The following FGF17 variants were observed in gnomAD, a reference collection of about 807,000 sequenced individuals.
FGF17 encodes fibroblast growth factor 17.
Under a neutral mutation model 23.5 loss-of-function variants are expected in FGF17, and 5 were observed. The observed-to-expected ratio is 0.21, with a 90% CI of 0.11 to 0.45. The LOEUF (loss-of-function observed/expected upper bound fraction) is 0.45. Ranked by LOEUF, FGF17 falls within the 20% of genes least tolerant of loss-of-function variation. The probability of loss-of-function intolerance (pLI) is 0.99; values close to 1 mark genes in which losing one functional copy is unlikely to be tolerated. For synonymous variants in FGF17, 136 were observed against 123.0 expected, an observed-to-expected ratio of 1.11 and a Z score of -0.70; for missense variants, 221 against 306.9, an observed-to-expected ratio of 0.72 and a Z score of 2.09.
chr8:22,041,024 C>G (rs568576509), upstream of FGF17, among the ~76,000 whole-genome samples: 1 of 152,230 alleles, frequency 6.6e-6, no homozygotes, highest in East Asian at 1.9e-4. Flanking sequence ...CACCAGCTAG[C>G]TGTGAGGCTT....
upstream of FGF17, chr8:22,042,301 G>A (rs3176262): frequency 0.064 from 9,982 of 156,678 alleles, 1,059 homozygotes; most frequent in African/African-American, 0.23. Flanking sequence ...CCTCCTTCCC[G>A]GGCAATCAGC....
chr8:22,040,891 G>A (rs1800726780), upstream of FGF17, among the ~76,000 whole-genome samples: 1 of 152,192 alleles, frequency 6.6e-6, no homozygotes, highest in African/African-American at 2.4e-5. Flanking sequence ...TGCCAGAAGA[G>A]GCAGAGTGTA....
chr8:22,046,766 C>T (rs1008217276), intron 4 of FGF17, 133 bp downstream of exon 4: 2 of 653,628 alleles, frequency 3.1e-6, no homozygotes, highest in African/African-American at 3.7e-5. Flanking sequence ...ACTCTCAGCC[C>T]ACCCACTGGG....
upstream of FGF17, chr8:22,042,666 CG>C: frequency 1.7e-6 from 1 of 598,454 alleles, no homozygotes; most frequent in Non-Finnish European, 3.0e-6. Flanking sequence ...ACAGCGCGCA[CG>C]CCCCCACCCG....
intron 2 of FGF17, among the ~76,000 whole-genome samples, chr8:22,044,290 C>A (rs1400020477): frequency 6.6e-6 from 1 of 152,090 alleles, no homozygotes; most frequent in South Asian, 2.1e-4. Flanking sequence ...GGAGGGGGGG[C>A]CAGCAGGCCG....
intron 4 of FGF17, among the ~76,000 whole-genome samples, chr8:22,047,701 A>G (rs1187243754): frequency 6.6e-6 from 1 of 152,162 alleles, no homozygotes; most frequent in Non-Finnish European, 1.5e-5. Flanking sequence ...CTTCACCTAC[A>G]TCTCAGGAAG....
Position 22,043,286 on chromosome 8 carries a change from C to T in FGF17, c.72+105C>T, listed in dbSNP as rs946564822. The stretch of plus-strand genomic sequence containing the variant: ...TCAGGTGGACAGAGGCAGAGTCTGG[C>T]CTCTCCCTGGGTCCAGGAGGCACTG... On this transcript the variant is annotated intron_variant, in intron 2 of 4. Coordinates refer to ENST00000359441, the MANE Select transcript of FGF17 (RefSeq NM_003867.4). 5 of 1,171,800 alleles carry T rather than the reference C, an allele frequency of 4.3e-6. No individual in the cohort carries two copies. In the African/African-American group the frequency reaches 6.0e-5, roughly 14 times the overall value. The allele number at this position is 1,171,800 out of a possible 1,614,324, so 72.6% of individuals were successfully genotyped here.
At chr8:22,043,581 C>T (rs899139303) in intron 2 of FGF17, among the ~76,000 whole-genome samples, 1 of 152,156 alleles carries the variant, frequency 6.6e-6, no homozygotes, top group Non-Finnish European at 1.5e-5. Flanking sequence ...TTCTCGCCAC[C>T]CCACTCCCAT....
At chr8:22,044,386 A>C (rs1053336713) in intron 2 of FGF17, among the ~76,000 whole-genome samples, 3 of 150,988 alleles carry the variant, frequency 2.0e-5, no homozygotes, top group African/African-American at 7.3e-5. Context: ...GGAACATGAA[A>C]GGGACAGGCT....
Position 22,046,615 on chromosome 8 carries a change from G to A in FGF17, c.339G>A (p.Arg113=), listed in dbSNP as rs3176295. The change falls in exon 4 of 5, where the codon AGG becomes AGA. Residue 113 remains arginine (R), a synonymous_variant. Transcript: ENST00000359441. The stretch of plus-strand genomic sequence containing the variant: ...AGAAGTACATCTGTATGAACAAGAG[G>A]GGCAAGCTCATCGGGAAGGTGAGGC... The part of the protein sequence containing the change: ...ESEKYICMNK[R]GKLIGKPSGK... 48,648 of 1,612,884 alleles carry A rather than the reference G, an allele frequency of 0.03. 840 individuals are homozygous for A. Among genetic ancestry groups the A allele is most frequent in the Non-Finnish European group, 0.036 (42,105 of 1,179,030 alleles).
At chr8:22,046,994 C>G (rs954062919) in intron 4 of FGF17, among the ~76,000 whole-genome samples, 5 of 133,516 alleles carry the variant, frequency 3.7e-5, no homozygotes, top group African/African-American at 1.4e-4. Flanking sequence ...ACTATGTTGC[C>G]CTGGCTGGTC....
chr8:22,048,519 A>C lies in FGF17; in HGVS notation c.*270A>C. On this transcript the variant is annotated 3_prime_UTR_variant, in exon 5 of 5. Transcript: ENST00000359441. This position sits in a 1 kb window ranked among gnomAD's most constrained non-coding sequence, Gnocchi z 6.9. ...GGCCACCAGCCTCTGCCGGCCTCCCAGCCGGGCTCCTGAAGCCCGCTGAAA... is the reference window on the plus strand; with the variant it reads ...GGCCACCAGCCTCTGCCGGCCTCCCCGCCGGGCTCCTGAAGCCCGCTGAAA... 2.0e-6 allele frequency: 1 copy of C among 495,086 alleles called. No individual in the cohort carries two copies. The highest frequency in any genetic ancestry group is 3.6e-6 in the Non-Finnish European group (1 of 279,114). 30.7% of individuals were successfully genotyped at this position (495,086 alleles called of 1,614,324 possible). A position where few individuals can be genotyped will look rare whatever the true frequency, so the allele number is the denominator to read the frequency against.
chr8:22,045,255 A>C (rs1272794181), intron 2 of FGF17: 1 of 985,468 alleles, frequency 1.0e-6, no homozygotes, highest in Non-Finnish European at 1.2e-6. Flanking sequence ...CATCCCACCA[A>C]CTGGCCAGGA....
chr8:22,044,302 A>G lies in FGF17; in HGVS notation c.72+1121A>G, dbSNP rs1489184705. On this transcript the variant is annotated intron_variant, in intron 2 of 4. Transcript: ENST00000359441. ...CTGGGAGGGGGGGCCAGCAGGCCGG[A>G]CCACAGCCATGCTTGAGGGGCTGTC... Among the ~76,000 whole-genome samples the G allele has an allele frequency of 5.9e-5, 9 of 151,860 alleles. No individual in the cohort carries two copies. The South Asian group carries it at 6.2e-4, about 11-fold the overall frequency.
chr8:22,045,678 G>A, intron 2 of FGF17: 2 of 1,076,790 alleles, frequency 1.9e-6, no homozygotes, highest in Non-Finnish European at 2.3e-6. Flanking sequence ...AAGGAATCTG[G>A]TTGTCCTGGC....
chr8:22,042,961 T>G lies in FGF17; in HGVS notation c.33T>G (p.Thr11=), dbSNP rs752071894. The part of the protein sequence containing the change: MGAARLLPNL[T]LCLQLLILCC... ...CCGCCCGCCTGCTGCCCAACCTCAC[T>G]CTGTAAGTGTGCTACCTCTCCCACT... Residue 11 remains threonine, a splice_region_variant and synonymous_variant, in exon 1 of 5, where the codon ACT becomes ACG. Transcript: ENST00000359441. 6.8e-6 allele frequency: 11 copies of G among 1,613,036 alleles called. No homozygotes were observed. Among genetic ancestry groups the G allele is most frequent in the South Asian group, 1.1e-5 (1 of 90,822 alleles).
At position 22,046,528 on chromosome 8, in the gene FGF17, C is replaced by G. The variant is rs149341718; in HGVS notation, c.252C>G (p.Ala84=). Residue 84 remains alanine, a splice_region_variant and synonymous_variant, in exon 4 of 5, where the codon GCC becomes GCG. Coordinates refer to ENST00000359441, the MANE Select transcript of FGF17 (RefSeq NM_003867.4). ...TCTTTCTCCCCTCCCCCACCACAGC[C>G]AAGCTCATAGTGGAGACGGACACGT... ...SATAEDGNKF[A]KLIVETDTFG... 8 of 1,612,178 alleles carry G rather than the reference C, an allele frequency of 5.0e-6. No individual in the cohort carries two copies. In the African/African-American group the frequency reaches 8.0e-5, roughly 16 times the overall value.
intron 2 of FGF17, among the ~76,000 whole-genome samples, chr8:22,043,767 C>A (rs1404247353): frequency 1.3e-5 from 2 of 149,634 alleles, no homozygotes; most frequent in African/African-American, 4.9e-5. Context: ...CCACCTCCCT[C>A]CATGCACACC....
In FGF17 at chr8:22,048,166, G is replaced by A. The variant is rs1563367019; in HGVS notation, c.568G>A (p.Glu190Lys). The A allele has an allele frequency of 6.2e-7, 1 of 1,613,146 alleles. No homozygotes were observed. The change falls in exon 5 of 5, where the codon GAG becomes AAG. Residue 190 changes from glutamate (E) to lysine (K), a missense_variant. Physicochemically the swap from Glu to Lys is moderately conservative, Grantham distance 56. Transcript: ENST00000359441. This position sits in a 1 kb window ranked among gnomAD's most constrained non-coding sequence, Gnocchi z 6.9. ...QGQLPFPNHA[E>K]KQKQFEFVGS... ...CCAGCTGCCCTTCCCCAACCACGCC[G>A]AGAAGCAGAAGCAGTTCGAGTTTGT... is the stretch of plus-strand genomic sequence containing the variant.
Sources: gnomAD v4.1 joint callset for allele counts (sites outside exome capture counted in the v4.1 genomes callset) on GRCh38, gnomAD v4.1.1 for gene constraint, Gnocchi (gnomAD v3.1) non-coding constraint, MANE v1.5 for transcripts, NCBI Gene and HGNC (gene_info 2026-07-23, HGNC 2026-07-21) for gene names.